The following USP48 variants were observed in gnomAD, a reference collection of about 807,000 sequenced individuals.
The protein encoded by USP48 is ubiquitin carboxyl-terminal hydrolase 48.
Under a neutral mutation model 150.7 loss-of-function variants are expected in USP48, and 43 were observed. The ratio of observed to expected loss-of-function variants is 0.29; its 90% CI spans 0.22 to 0.37. The LOEUF (loss-of-function observed/expected upper bound fraction) is 0.37, where lower values mean the gene tolerates loss of function less well. USP48 is among the 10% of genes least tolerant of loss of function. The pLI is 1.00. For synonymous variants in USP48, 396 were observed against 425.9 expected, an observed-to-expected ratio of 0.93 and a Z score of 0.86; for missense variants, 813 against 1,249.6, an observed-to-expected ratio of 0.65 and a Z score of 5.27.
Position 21,683,107 on chromosome 1 carries a change from A to G in USP48, c.3059-2273T>C, listed in dbSNP as rs142446315. On this transcript the variant is annotated intron_variant, in intron 25 of 26. Coordinates refer to ENST00000308271, the MANE Select transcript of USP48 (RefSeq NM_032236.8). ...GAAACCCCGTCTCTACCAAAAATACAAAAGTTAGCCAGGCATGGTGTTGCA... is the reference window on the plus strand; with the variant it reads ...GAAACCCCGTCTCTACCAAAAATACGAAAGTTAGCCAGGCATGGTGTTGCA... Among the ~76,000 whole-genome samples the G allele has an allele frequency of 4.4e-3, 675 of 152,240 alleles. 6 individuals carry two copies. The highest frequency in any genetic ancestry group is 0.015 in the African/African-American group (638 of 41,540).
At chr1:21,776,751 C>T (rs1275639278) in intron 1 of USP48, among the ~76,000 whole-genome samples, 1 of 151,766 alleles carries the variant, frequency 6.6e-6, no homozygotes, top group Non-Finnish European at 1.5e-5. Flanking sequence ...GTCAGGAGTT[C>T]GAGACCAGCC....
chr1:21,750,167 C>T (rs2097805961), intron 6 of USP48, among the ~76,000 whole-genome samples: 1 of 152,168 alleles, frequency 6.6e-6, no homozygotes, highest in Non-Finnish European at 1.5e-5. Flanking sequence ...TGATATGGCC[C>T]TTGTGTCACC....
At chr1:21,730,206 C>G (rs1041824988) in intron 9 of USP48, among the ~76,000 whole-genome samples, 15 of 152,052 alleles carry the variant, frequency 9.9e-5, no homozygotes, top group African/African-American at 2.9e-4. Context: ...TCTAGGAGGC[C>G]AAGATGGGCA....
chr1:21,699,323 C>G (rs902219738), intron 22 of USP48, among the ~76,000 whole-genome samples: 1 of 138,946 alleles, frequency 7.2e-6, no homozygotes. Context: ...CTCAGCCTCT[C>G]GAGTAGCTGG....
At chr1:21,689,091 TAC>T (rs1335047720) in intron 24 of USP48, among the ~76,000 whole-genome samples, 1 of 151,832 alleles carries the variant, frequency 6.6e-6, no homozygotes, top group African/African-American at 2.4e-5. Flanking sequence ...GGGAAAAAGT[TAC>T]AGAGGAGGCT....
chr1:21,751,083 A>G (rs1429643629), intron 6 of USP48, among the ~76,000 whole-genome samples: 1 of 152,242 alleles, frequency 6.6e-6, no homozygotes, highest in Non-Finnish European at 1.5e-5. Context: ...CACTCAGAAC[A>G]GAAAGGAATC....
intron 23 of USP48, among the ~76,000 whole-genome samples, chr1:21,694,608 C>CAA (rs1491189889): frequency 2.1e-4 from 6 of 28,996 alleles, no homozygotes; most frequent in Admixed American, 8.3e-4. Context: ...AAAAAAAAAA[C>CAA]CCCCTCTATC....
At chr1:21,701,886 T>C (rs2097658020) in intron 21 of USP48, among the ~76,000 whole-genome samples, 1 of 152,180 alleles carries the variant, frequency 6.6e-6, no homozygotes, top group Admixed American at 6.5e-5. Flanking sequence ...TCTTGTACAA[T>C]GATGTTATTT....
rs563452340 is a variant in USP48, at chr1:21,712,598, G to A, written c.1963+2791C>T. 8.9e-4 allele frequency among the ~76,000 whole-genome samples: 134 copies of A among 150,418 alleles called. 1 individual carries two copies. The highest frequency in any genetic ancestry group is 3.5e-3 in the Middle Eastern group (1 of 288). ...GACGCATGGTATGCTGGCAGATAAC[G>A]TAACACAAAAACAAAGGTAGAAAAC... On this transcript the variant is annotated intron_variant, in intron 15 of 26. Transcript: ENST00000308271.
chr1:21,763,065 C>T (rs980220712), intron 1 of USP48, among the ~76,000 whole-genome samples: 3 of 152,094 alleles, frequency 2.0e-5, no homozygotes, highest in Non-Finnish European at 2.9e-5. Context: ...ATCATGCATA[C>T]TCAACTGGTT....
At chr1:21,679,914 G>A (rs560197348) in intron 26 of USP48, among the ~76,000 whole-genome samples, 7 of 151,736 alleles carry the variant, frequency 4.6e-5, no homozygotes, top group Admixed American at 1.3e-4. Flanking sequence ...GACTGGTCTC[G>A]AACTCCTGAC....
intron 8 of USP48, among the ~76,000 whole-genome samples, chr1:21,746,414 C>T (rs1184126913): frequency 3.3e-5 from 5 of 152,102 alleles, no homozygotes; most frequent in African/African-American, 1.2e-4. Context: ...CGTGTCACTG[C>T]ACTCCAGCCT....
intron 26 of USP48, 26 bp from the exon 27 acceptor site, chr1:21,679,465 G>A (rs763178187): frequency 6.2e-7 from 1 of 1,613,632 alleles, no homozygotes; most frequent in Non-Finnish European, 8.5e-7. Context: ...CACGTGGAGG[G>A]ATAGTTGTGA....
At chr1:21,729,929 C>G (rs1181171085) in intron 9 of USP48, 97 bp from the exon 10 acceptor site, 5 of 1,452,036 alleles carry the variant, frequency 3.4e-6, no homozygotes, top group East Asian at 4.6e-5. Context: ...AATATACACC[C>G]AAGACACATT....
At chr1:21,745,736 T>C (rs1249075320) in intron 8 of USP48, among the ~76,000 whole-genome samples, 2 of 152,186 alleles carry the variant, frequency 1.3e-5, no homozygotes, top group Non-Finnish European at 2.9e-5. Flanking sequence ...TTCAAACTCA[T>C]CCAGTCAAGT....
intron 8 of USP48, among the ~76,000 whole-genome samples, chr1:21,745,989 A>C (rs1388286246): frequency 6.6e-6 from 1 of 152,214 alleles, no homozygotes; most frequent in African/African-American, 2.4e-5. Flanking sequence ...ACAGTACTGA[A>C]GAGTATCATA....
intron 19 of USP48, among the ~76,000 whole-genome samples, chr1:21,705,447 G>A (rs1208999398): frequency 6.6e-6 from 1 of 152,158 alleles, no homozygotes; most frequent in Admixed American, 6.5e-5. Flanking sequence ...AGAGGTCTCA[G>A]CACTGGTCAC....
intron 1 of USP48, among the ~76,000 whole-genome samples, chr1:21,778,752 A>AT (rs751636416): frequency 0.022 from 3,172 of 144,538 alleles, 35 homozygotes; most frequent in Middle Eastern, 0.051. Context: ...ATTTCCACAA[A>AT]TTTTTTTTTT....
chr1:21,704,359 C>G lies in USP48; in HGVS notation c.2418G>C (p.Met806Ile). The G allele has an allele frequency of 6.2e-7, 1 of 1,613,430 alleles. No individual in the cohort carries two copies. The highest frequency in any genetic ancestry group is 8.5e-7 in the Non-Finnish European group (1 of 1,179,758). Residue 806 changes from methionine (M) to isoleucine (I), a missense_variant, in exon 20 of 27, where the codon ATG becomes ATC. Transcript: ENST00000308271. The part of the protein sequence containing the change: ...IALIWPSEWQ[M>I]IQKLFVVDHV... ...GATCCACAACAAAGAGCTTTTGTAT[C>G]ATTTGCCACTCACTGGGCCATATGA...
Sources: gnomAD v4.1 joint callset for allele counts (sites outside exome capture counted in the v4.1 genomes callset) on GRCh38, gnomAD v4.1.1 for gene constraint, MANE v1.5 for transcripts, NCBI Gene and HGNC (gene_info 2026-07-23, HGNC 2026-07-21) for gene names.